Variants in TM7SF3 observed in about 807,000 individuals in gnomAD.
TM7SF3 encodes transmembrane 7 superfamily member 3.
In TM7SF3, 60 loss-of-function variants were observed where a neutral mutation model predicts 65.5. That is an observed-to-expected ratio of 0.92 (90% CI 0.74 to 1.14). The LOEUF (loss-of-function observed/expected upper bound fraction) is 1.14, where lower values mean the gene tolerates loss of function less well. Among genes scored for constraint, TM7SF3 ranks in the 50% most tolerant of loss-of-function variants. TM7SF3 has a pLI of 0.00. For missense variants in TM7SF3, 623 were observed against 684.8 expected (o/e 0.91, Z 1.01); for synonymous variants, 264 against 259.6 (o/e 1.02, Z -0.16).
intron 2 of TM7SF3, among the ~76,000 whole-genome samples, chr12:27,000,454 A>G (rs1456707569): frequency 6.6e-6 from 1 of 151,994 alleles, no homozygotes; most frequent in Admixed American, 6.6e-5. Flanking sequence ...AACTGTACAT[A>G]AAGTATAATT....
In TM7SF3 at chr12:26,999,521, G is replaced by A; in HGVS notation, c.397+5C>T. ...GTAAGAGGGAGGAGAAGACAGAAGG[G>A]TTACCTCTTTCTGAGTAGGAGAGTA... On this transcript the variant is annotated splice_donor_5th_base_variant and intron_variant, in intron 3 of 11. Transcript: ENST00000343028. The A allele has an allele frequency of 6.2e-7, 1 of 1,613,810 alleles. No individual in the cohort carries two copies. The highest frequency in any genetic ancestry group is 1.1e-5 in the South Asian group (1 of 91,082).
intron 3 of TM7SF3, among the ~76,000 whole-genome samples, chr12:26,998,892 C>T (rs993609559): frequency 1.3e-5 from 2 of 152,306 alleles, no homozygotes; most frequent in Non-Finnish European, 2.9e-5. Context: ...TGCAGCCACA[C>T]TCACAACGTG....
At chr12:26,981,855 CAG>C (rs974399466) in intron 7 of TM7SF3, among the ~76,000 whole-genome samples, 4 of 152,094 alleles carry the variant, frequency 2.6e-5, no homozygotes, top group African/African-American at 9.7e-5. Flanking sequence ...ATTTACATCC[CAG>C]TTCTTCAGTG....
intron 3 of TM7SF3, among the ~76,000 whole-genome samples, chr12:26,998,147 G>C (rs908411942): frequency 1.3e-5 from 2 of 152,002 alleles, no homozygotes; most frequent in Non-Finnish European, 2.9e-5. Flanking sequence ...CCCTTTTAAA[G>C]GCAGAAACTC....
At chr12:26,980,670 G>A (rs779829699) in intron 7 of TM7SF3, 24 bp from the exon 8 acceptor site, 5 of 1,337,620 alleles carry the variant, frequency 3.7e-6, no homozygotes, top group Non-Finnish European at 5.2e-6. Flanking sequence ...CACCAGGAAA[G>A]GAAAAAAGCA....
rs113665763 is a variant in TM7SF3 at position 27,005,561 on chromosome 12, A to G, written c.92-2171T>C. ...TATACAGAACCTTTAAAAGCCCTGG[A>G]AGAGACTGAAGCCATCAACTAGAGA... On this transcript the variant is annotated intron_variant, in intron 1 of 11. Coordinates refer to ENST00000343028, the MANE Select transcript of TM7SF3 (RefSeq NM_016551.3). 1.9e-3 allele frequency among the ~76,000 whole-genome samples: 283 copies of G among 152,308 alleles called. 1 individual carries two copies. The highest frequency in any genetic ancestry group is 6.4e-3 in the African/African-American group (265 of 41,568).
intron 6 of TM7SF3, among the ~76,000 whole-genome samples, chr12:26,985,791 C>T (rs1429424162): frequency 7.2e-6 from 1 of 138,280 alleles, no homozygotes; most frequent in African/African-American, 2.6e-5. Context: ...CTTTGCTTGG[C>T]CAAATTTCTT....
intron 2 of TM7SF3, among the ~76,000 whole-genome samples, chr12:27,002,559 G>A (rs370225697): frequency 6.6e-6 from 1 of 152,116 alleles, no homozygotes; most frequent in East Asian, 1.9e-4. Flanking sequence ...TTCATACAAG[G>A]TGAAATGCAT....
rs2136368350 is a variant in TM7SF3 at position 26,971,950 on chromosome 12, C to G, written c.*2015G>C. ...CTTAAAGCAAAAGTTAAATATTTTT[C>G]CAGTTACCTGAAACTTCAAAAATCT... is the stretch of plus-strand genomic sequence containing the variant. On this transcript the variant is annotated 3_prime_UTR_variant, in exon 12 of 12. Transcript: ENST00000343028. 6.6e-6 allele frequency: 1 copy of G among 152,216 alleles called. No homozygotes were observed. The highest frequency in any genetic ancestry group is 1.9e-4 in the East Asian group (1 of 5,186). The allele number at this position is 152,216 out of a possible 1,614,324, so 9.4% of individuals were successfully genotyped here.
chr12:26,984,813 G>A (rs1939972328), intron 6 of TM7SF3, among the ~76,000 whole-genome samples: 1 of 152,160 alleles, frequency 6.6e-6, no homozygotes, highest in Non-Finnish European at 1.5e-5. Context: ...ACATAAAACA[G>A]GCATTCACTC....
intron 9 of TM7SF3, 82 bp downstream of exon 9, chr12:26,979,702 C>T (rs1159356017): frequency 1.3e-6 from 2 of 1,488,146 alleles, no homozygotes; most frequent in East Asian, 4.8e-5. Flanking sequence ...TGACATGCAA[C>T]ACCACTCCAG....
intron 5 of TM7SF3, among the ~76,000 whole-genome samples, chr12:26,994,289 C>T (rs1275663933): frequency 6.6e-5 from 10 of 152,204 alleles, no homozygotes; most frequent in Non-Finnish European, 1.2e-4. Context: ...TATTATATTG[C>T]TGTTAGGCAC....
chr12:26,980,194 A>T (rs1414407617), intron 8 of TM7SF3: 1 of 572,896 alleles, frequency 1.7e-6, no homozygotes, highest in Non-Finnish European at 3.1e-6. Context: ...TGGGATTGAG[A>T]AGGAAAAGTT....
intron 6 of TM7SF3, chr12:26,983,693 G>A (rs56054487): frequency 9.7e-5 from 35 of 359,384 alleles, no homozygotes; most frequent in Non-Finnish European, 1.4e-4. Context: ...AATTTAAACC[G>A]AAACTCACAA....
intron 5 of TM7SF3, among the ~76,000 whole-genome samples, chr12:26,994,386 C>T (rs1940503218): frequency 6.6e-6 from 1 of 152,212 alleles, no homozygotes; most frequent in African/African-American, 2.4e-5. Flanking sequence ...TAAAAATCAC[C>T]TGAGGGCTGG....
chr12:26,991,441 C>T (rs1185584194), intron 5 of TM7SF3, among the ~76,000 whole-genome samples: 3 of 152,158 alleles, frequency 2.0e-5, no homozygotes, highest in African/African-American at 7.2e-5. Context: ...CGTGAGCCAC[C>T]GCGCCCGGCC....
chr12:26,989,515 A>G (rs557616073), intron 6 of TM7SF3, among the ~76,000 whole-genome samples: 3 of 152,284 alleles, frequency 2.0e-5, no homozygotes, highest in Admixed American at 1.3e-4. Context: ...CACTGTTCAA[A>G]GGTCAATTGC....
intron 1 of TM7SF3, chr12:27,012,903 CAGG>C (rs1200855697): frequency 3.4e-5 from 12 of 349,450 alleles, no homozygotes; most frequent in Non-Finnish European, 2.2e-5. Flanking sequence ...GAGGCTGAGG[CAGG>C]AGAATTGCTT....
In TM7SF3 at chr12:26,984,233, G is replaced by A. The variant is rs145591264; in HGVS notation, c.869-1374C>T. On this transcript the variant is annotated intron_variant, in intron 6 of 11. Transcript: ENST00000343028. ...TCACTTGAGGTCAGGAGTTTGAGAT[G>A]AGCCTGGCCAACATGGTGAGAACCC... Among the ~76,000 whole-genome samples the A allele has an allele frequency of 3.6e-3, 549 of 152,050 alleles. 1 individual carries two copies. The highest frequency in any genetic ancestry group is 0.013 in the African/African-American group (527 of 41,486).
Sources: gnomAD v4.1 joint callset for allele counts (sites outside exome capture counted in the v4.1 genomes callset) on GRCh38, gnomAD v4.1.1 for gene constraint, MANE v1.5 for transcripts, NCBI Gene and HGNC (gene_info 2026-07-23, HGNC 2026-07-21) for gene names.